SPATA16: variants seen among roughly 807,000 people sequenced by gnomAD.
SPATA16 encodes the protein spermatogenesis-associated protein 16.
A neutral mutation model predicts 63.3 loss-of-function variants in SPATA16; 36 were observed. The ratio of observed to expected loss-of-function variants is 0.57; its 90% CI spans 0.44 to 0.75. The LOEUF (loss-of-function observed/expected upper bound fraction) is 0.75. Among genes scored for constraint, SPATA16 ranks in the 30% least tolerant of loss-of-function variants. The probability of loss-of-function intolerance (pLI) is 0.00; values close to 1 mark genes in which losing one functional copy is unlikely to be tolerated. For missense variants in SPATA16, 646 were observed against 679.3 expected, an observed-to-expected ratio of 0.95 and a Z score of 0.54; for synonymous variants, 203 against 216.7, an observed-to-expected ratio of 0.94 and a Z score of 0.56.
intron 6 of SPATA16, among the ~76,000 whole-genome samples, chr3:172,928,825 G>T (rs1386557911): frequency 6.6e-6 from 1 of 151,950 alleles, no homozygotes. Context: ...ATATACATAT[G>T]GTTAAATTTA....
At chr3:172,943,507 T>C (rs556969707) in intron 6 of SPATA16, among the ~76,000 whole-genome samples, 1 of 152,244 alleles carries the variant, frequency 6.6e-6, no homozygotes, top group East Asian at 1.9e-4. Context: ...TGTTAGGCTG[T>C]GGTGGGCAAA....
chr3:172,923,021 A>G (rs1227393661), intron 8 of SPATA16, among the ~76,000 whole-genome samples: 1 of 152,170 alleles, frequency 6.6e-6, no homozygotes, highest in Non-Finnish European at 1.5e-5. Context: ...CATCCACAGC[A>G]CCCGATACAC....
intron 4 of SPATA16, among the ~76,000 whole-genome samples, chr3:172,981,075 T>TA (rs1159610763): frequency 6.6e-6 from 1 of 152,212 alleles, no homozygotes; most frequent in Non-Finnish European, 1.5e-5. Flanking sequence ...GCGCAAGTCA[T>TA]ACAATAGCTC....
At chr3:173,041,483 T>C (rs534824359) in intron 3 of SPATA16, among the ~76,000 whole-genome samples, 1 of 152,284 alleles carries the variant, frequency 6.6e-6, no homozygotes, top group South Asian at 2.1e-4. Flanking sequence ...ACCCATATGT[T>C]TTCCCAAAGC....
chr3:172,914,085 C>A (rs1732428952), intron 9 of SPATA16, among the ~76,000 whole-genome samples: 1 of 152,142 alleles, frequency 6.6e-6, no homozygotes, highest in Admixed American at 6.6e-5. Flanking sequence ...TACATGAAGG[C>A]ATTTTAGCGT....
At chr3:173,015,344 G>A (rs187813077) in intron 4 of SPATA16, among the ~76,000 whole-genome samples, 3 of 152,276 alleles carry the variant, frequency 2.0e-5, no homozygotes, top group Admixed American at 6.5e-5. Context: ...GATTACAGGC[G>A]TGAGCCACTG....
intron 10 of SPATA16, among the ~76,000 whole-genome samples, chr3:172,901,155 A>C (rs1202190762): frequency 6.6e-6 from 1 of 151,680 alleles, no homozygotes; most frequent in African/African-American, 2.4e-5. Context: ...TGTGTTTGTA[A>C]TTGCTCATTA....
intron 1 of SPATA16, among the ~76,000 whole-genome samples, chr3:173,140,693 A>G (rs1028359337): frequency 7.2e-5 from 11 of 152,254 alleles, no homozygotes; most frequent in African/African-American, 2.2e-4. Flanking sequence ...ATTAGCAGTC[A>G]TCATCTCCCA....
chr3:173,136,311 T>A (rs895785267), intron 1 of SPATA16, among the ~76,000 whole-genome samples: 4 of 152,180 alleles, frequency 2.6e-5, no homozygotes, highest in Non-Finnish European at 5.9e-5. Context: ...TCATAATTAT[T>A]ATTTTTTACT....
At position 173,117,482 on chromosome 3, in the gene SPATA16, G is replaced by A. The variant is rs202106536; in HGVS notation, c.250C>T (p.Arg84Trp). 65 of 1,614,050 alleles carry A rather than the reference G, an allele frequency of 4.0e-5. No individual in the cohort carries two copies. Among genetic ancestry groups the A allele is most frequent in the African/African-American group, 2.4e-4 (18 of 75,016 alleles). Residue 84 changes from arginine (R) to tryptophan (W), a missense_variant, in exon 2 of 11, where the codon CGG (arginine) becomes TGG (tryptophan). Physicochemically the swap from Arg to Trp is moderately radical, Grantham distance 101 (BLOSUM62 -3). Transcript: ENST00000351008. ...SNDLEKAAFK[R>W]KAEGEEKPTR... ...GGCTTTTCTTCACCTTCTGCCTTCC[G>A]TTTAAAGGCTGCTTTCTCTAAATCA...
chr3:172,965,344 T>C (rs1733892842), intron 5 of SPATA16, among the ~76,000 whole-genome samples: 1 of 152,166 alleles, frequency 6.6e-6, no homozygotes, highest in Non-Finnish European at 1.5e-5. Context: ...GGATTCCAAA[T>C]ATATGAAAGG....
At chr3:173,002,757 ACATATT>A (rs989896123) in intron 4 of SPATA16, among the ~76,000 whole-genome samples, 18 of 152,144 alleles carry the variant, frequency 1.2e-4, no homozygotes, top group African/African-American at 4.3e-4. Context: ...CAAAAGATCA[ACATATT>A]CATATATGGA....
intron 10 of SPATA16, among the ~76,000 whole-genome samples, chr3:172,889,959 G>A (rs1418274369): frequency 6.6e-6 from 1 of 152,138 alleles, no homozygotes; most frequent in Non-Finnish European, 1.5e-5. Context: ...GGGGATTACT[G>A]TCACCATGCA....
chr3:172,962,253 CAAAAAAAAAAAA>C (rs71162320), intron 5 of SPATA16, among the ~76,000 whole-genome samples: 80 of 47,710 alleles, frequency 1.7e-3, no homozygotes, highest in African/African-American at 6.8e-3. Flanking sequence ...GACTCTGTCT[CAAAAAAAAAAAA>C]AAAAAAAAAA....
At position 172,971,135 on chromosome 3, in the gene SPATA16, T is replaced by TC. The variant is rs1378836115; in HGVS notation, c.933+5832dup. On this transcript the variant is annotated intron_variant, in intron 5 of 10. Coordinates refer to ENST00000351008, the MANE Select transcript of SPATA16 (RefSeq NM_031955.6). The stretch of plus-strand genomic sequence containing the variant: ...GTTAGGAGGCTAAGAACTTGGAACT[T>TC]CCATGAAGACACCTCTGAGCACAGA... 3.9e-5 allele frequency among the ~76,000 whole-genome samples: 6 copies of TC among 152,242 alleles called. No individual in the cohort carries two copies. In the East Asian group the frequency reaches 1.2e-3, roughly 29 times the overall value.
At chr3:172,975,354 T>C (rs1734130673) in intron 5 of SPATA16, among the ~76,000 whole-genome samples, 1 of 152,184 alleles carries the variant, frequency 6.6e-6, no homozygotes. Flanking sequence ...TAGGTACTCA[T>C]ATACATTTGT....
chr3:172,957,705 A>G (rs988218717), intron 5 of SPATA16, among the ~76,000 whole-genome samples: 4 of 152,226 alleles, frequency 2.6e-5, no homozygotes, highest in Non-Finnish European at 5.9e-5. Context: ...CTAAGGTACT[A>G]ACAAACAATA....
chr3:173,044,432 A>G (rs1735912310), intron 3 of SPATA16, among the ~76,000 whole-genome samples: 1 of 152,126 alleles, frequency 6.6e-6, no homozygotes, highest in African/African-American at 2.4e-5. Context: ...ATCTATGCTA[A>G]ATCTCCATTT....
chr3:173,106,808 T>G lies in SPATA16; in HGVS notation c.612+10312A>C, dbSNP rs115914551. On this transcript the variant is annotated intron_variant, in intron 2 of 10. Transcript: ENST00000351008. ...TCATCTTCCTTCCCCTCTCCCTCCC[T>G]ACTTTTCCATTTAGCTATTTATGTT... Among the ~76,000 whole-genome samples the G allele has an allele frequency of 8.5e-3, 1,293 of 152,308 alleles. 17 individuals are homozygous for G. The highest frequency in any genetic ancestry group is 0.03 in the African/African-American group (1,228 of 41,570).
Sources: gnomAD v4.1 joint callset for allele counts (sites outside exome capture counted in the v4.1 genomes callset) on GRCh38, gnomAD v4.1.1 for gene constraint, MANE v1.5 for transcripts, NCBI Gene and HGNC (gene_info 2026-07-23, HGNC 2026-07-21) for gene names.